FGF14: variants seen among roughly 807,000 people sequenced by gnomAD.
FGF14 encodes the protein fibroblast growth factor 14, also known as fibroblast growth factor homologous factor 4.
A neutral mutation model predicts 25.5 loss-of-function variants in FGF14; 5 were observed. The observed-to-expected ratio is 0.20, with a 90% CI of 0.10 to 0.41. The LOEUF is 0.41. Ranked by LOEUF, FGF14 falls within the 10% of genes least tolerant of loss-of-function variation. The probability of loss-of-function intolerance (pLI) is 1.00; values close to 1 mark genes in which losing one functional copy is unlikely to be tolerated. For missense variants in FGF14, 222 were observed against 320.1 expected (o/e 0.69, Z 2.34); for synonymous variants, 138 against 118.3 (o/e 1.17, Z -1.08).
At chr13:101,829,014 T>C (rs1160819138) in intron 3 of FGF14, among the ~76,000 whole-genome samples, 1 of 152,110 alleles carries the variant, frequency 6.6e-6, no homozygotes, top group Non-Finnish European at 1.5e-5. Context: ...CCTCGGGGTC[T>C]GTAACTGCTG....
At chr13:101,733,069 A>C (rs989429356) in intron 3 of FGF14, among the ~76,000 whole-genome samples, 2 of 152,222 alleles carry the variant, frequency 1.3e-5, no homozygotes, top group Non-Finnish European at 2.9e-5. Flanking sequence ...ACTTATAAAG[A>C]AAAGAATATC....
intron 1 of FGF14, among the ~76,000 whole-genome samples, chr13:102,298,389 C>G (rs1244117458): frequency 2.0e-5 from 3 of 152,172 alleles, no homozygotes; most frequent in Middle Eastern, 3.4e-3. Flanking sequence ...ATAAAATGTT[C>G]AAGGCATGTG....
chr13:102,002,361 G>C (rs968793693), intron 1 of FGF14: 2 of 152,626 alleles, frequency 1.3e-5, no homozygotes, highest in African/African-American at 4.8e-5. Flanking sequence ...TAAATGATAG[G>C]CACCACAGTC....
intron 3 of FGF14, among the ~76,000 whole-genome samples, chr13:101,848,432 A>C (rs1232085514): frequency 6.6e-6 from 1 of 152,088 alleles, no homozygotes; most frequent in Non-Finnish European, 1.5e-5. Flanking sequence ...AACCTAAAAA[A>C]GTGTAATGTA....
At chr13:102,055,428 T>C (rs758488309) in intron 1 of FGF14, among the ~76,000 whole-genome samples, 50 of 152,252 alleles carry the variant, frequency 3.3e-4, no homozygotes, top group Non-Finnish European at 6.3e-4. Context: ...TCTCCAAACA[T>C]AAGTCAGTGG....
chr13:101,934,779 T>C (rs2034992016), intron 1 of FGF14, among the ~76,000 whole-genome samples: 1 of 152,188 alleles, frequency 6.6e-6, no homozygotes, highest in Non-Finnish European at 1.5e-5. Context: ...TGATGGTTGG[T>C]GGAGATTGGG....
chr13:102,132,628 T>C (rs2046250582), intron 1 of FGF14, among the ~76,000 whole-genome samples: 1 of 152,038 alleles, frequency 6.6e-6, no homozygotes, highest in African/African-American at 2.4e-5. Flanking sequence ...GTAATTCTTC[T>C]GCTGCAGCCT....
intron 1 of FGF14, among the ~76,000 whole-genome samples, chr13:102,073,302 T>C (rs1250844256): frequency 6.6e-6 from 1 of 152,164 alleles, no homozygotes; most frequent in African/African-American, 2.4e-5. Context: ...TAAAAGATGA[T>C]GGGCAGCACA....
intron 1 of FGF14, among the ~76,000 whole-genome samples, chr13:102,258,262 G>A (rs931865646): frequency 2.0e-5 from 3 of 152,056 alleles, no homozygotes; most frequent in East Asian, 1.9e-4. Context: ...TTTGGGTGGG[G>A]ATACAGCCAA....
upstream of FGF14, among the ~76,000 whole-genome samples, chr13:101,920,629 T>A (rs1238311557): frequency 6.6e-6 from 1 of 152,226 alleles, no homozygotes; most frequent in Admixed American, 6.5e-5. Context: ...GCAGTTTCCA[T>A]GTTTTTTCAA....
intron 3 of FGF14, among the ~76,000 whole-genome samples, chr13:101,736,587 A>C (rs1450163101): frequency 6.6e-6 from 1 of 152,176 alleles, no homozygotes. Context: ...CACCACATGC[A>C]GTCTGATGGC....
At chr13:102,369,931 G>A (rs1248064123) in intron 1 of FGF14, among the ~76,000 whole-genome samples, 2 of 151,990 alleles carry the variant, frequency 1.3e-5, no homozygotes, top group African/African-American at 4.8e-5. Context: ...CGAATTCAAA[G>A]TCCACAATTT....
chr13:101,894,385 A>G (rs2030294343), intron 1 of FGF14, among the ~76,000 whole-genome samples: 1 of 152,102 alleles, frequency 6.6e-6, no homozygotes, highest in Non-Finnish European at 1.5e-5. Flanking sequence ...CATAGACATA[A>G]AATATTAGCA....
chr13:102,023,785 G>C (rs908629778), intron 1 of FGF14, among the ~76,000 whole-genome samples: 1 of 151,918 alleles, frequency 6.6e-6, no homozygotes, highest in African/African-American at 2.4e-5. Context: ...GTACAGTAAG[G>C]CCTCACTTGG....
At chr13:102,024,337 C>T (rs372950904) in intron 1 of FGF14, among the ~76,000 whole-genome samples, 2 of 152,160 alleles carry the variant, frequency 1.3e-5, no homozygotes, top group South Asian at 4.1e-4. Context: ...GAAGAGGTAT[C>T]TCATTGTAGT....
chr13:101,817,174 G>A (rs2041885634), intron 3 of FGF14, among the ~76,000 whole-genome samples: 1 of 152,114 alleles, frequency 6.6e-6, no homozygotes, highest in South Asian at 2.1e-4. Context: ...GGATCACAGG[G>A]CCTGGTTTCT....
chr13:101,787,346 G>A (rs1187646440), intron 3 of FGF14, among the ~76,000 whole-genome samples: 1 of 152,126 alleles, frequency 6.6e-6, no homozygotes, highest in Non-Finnish European at 1.5e-5. Flanking sequence ...TATGATTATT[G>A]TCATATGAAT....
At chr13:102,197,919 T>C (rs972693288) in intron 1 of FGF14, among the ~76,000 whole-genome samples, 1 of 152,210 alleles carries the variant, frequency 6.6e-6, no homozygotes, top group Non-Finnish European at 1.5e-5. Flanking sequence ...AACCTCTAAA[T>C]AGAGGGCAAC....
intron 1 of FGF14, among the ~76,000 whole-genome samples, chr13:102,365,533 T>G (rs566640972): frequency 3.2e-4 from 48 of 152,330 alleles, no homozygotes; most frequent in African/African-American, 1.2e-3. Context: ...TATTTCCCCA[T>G]GCTTGTTAAA....
Sources: allele counts gnomAD v4.1 joint callset (sites outside exome capture counted in the v4.1 genomes callset), GRCh38; gene constraint gnomAD v4.1.1; transcripts MANE v1.5; gene names NCBI Gene and HGNC (gene_info 2026-07-23, HGNC 2026-07-21).